SORCS1: variants seen among roughly 807,000 people sequenced by gnomAD.
The protein encoded by SORCS1 is VPS10 domain-containing receptor SorCS1.
SORCS1 carries 60 observed loss-of-function variants against 146.1 expected under a neutral mutation model. The observed-to-expected ratio is 0.41, with a 90% CI of 0.33 to 0.51. The LOEUF is 0.51. Among genes scored for constraint, SORCS1 ranks in the 20% least tolerant of loss-of-function variants. The probability of loss-of-function intolerance (pLI) is 0.21; values close to 1 mark genes in which losing one functional copy is unlikely to be tolerated. For missense variants in SORCS1, 1,352 were observed against 1,487.6 expected (o/e 0.91, Z 1.50); for synonymous variants, 637 against 584.0 (o/e 1.09, Z -1.31).
intron 2 of SORCS1, among the ~76,000 whole-genome samples, chr10:106,941,565 AAC>A (rs1954043407): frequency 1.3e-5 from 2 of 152,246 alleles, no homozygotes; most frequent in Admixed American, 1.3e-4. Flanking sequence ...CCGTGGCTAG[AAC>A]ACACAATACC....
At chr10:106,623,405 C>A (rs1847877611) in intron 19 of SORCS1, among the ~76,000 whole-genome samples, 1 of 152,016 alleles carries the variant, frequency 6.6e-6, no homozygotes, top group East Asian at 1.9e-4. Flanking sequence ...CACCACCATG[C>A]CTGGCTAATT....
chr10:106,730,336 T>C (rs1218553926), intron 5 of SORCS1, among the ~76,000 whole-genome samples: 1 of 152,228 alleles, frequency 6.6e-6, no homozygotes, highest in Non-Finnish European at 1.5e-5. Flanking sequence ...CAGGCTGCAT[T>C]CTAGCAAGGA....
At chr10:107,102,094 C>T (rs929907535) in intron 1 of SORCS1, among the ~76,000 whole-genome samples, 2 of 152,144 alleles carry the variant, frequency 1.3e-5, no homozygotes, top group Non-Finnish European at 2.9e-5. Context: ...TCATCATTTT[C>T]CCCTAATGAC....
At chr10:106,608,828 C>G (rs1281979017) in intron 22 of SORCS1, among the ~76,000 whole-genome samples, 1 of 152,130 alleles carries the variant, frequency 6.6e-6, no homozygotes, top group African/African-American at 2.4e-5. Context: ...CCATGTAGGC[C>G]CATGACAACT....
chr10:106,840,774 C>G (rs1285990166), intron 2 of SORCS1, among the ~76,000 whole-genome samples: 3 of 150,854 alleles, frequency 2.0e-5, no homozygotes, highest in Non-Finnish European at 4.4e-5. Context: ...CAAGGCAAGA[C>G]CCTCCACCAG....
At chr10:106,836,644 A>G (rs1468069724) in intron 2 of SORCS1, among the ~76,000 whole-genome samples, 6 of 152,160 alleles carry the variant, frequency 3.9e-5, no homozygotes, top group Non-Finnish European at 7.4e-5. Flanking sequence ...AACATTAACT[A>G]AAACTCTTTG....
chr10:106,771,562 T>C (rs1860025074), intron 4 of SORCS1, among the ~76,000 whole-genome samples: 1 of 152,198 alleles, frequency 6.6e-6, no homozygotes, highest in Admixed American at 6.5e-5. Flanking sequence ...TTGGTTTGCC[T>C]ACTGTTTAAA....
chr10:106,776,754 C>G (rs2136374438), intron 3 of SORCS1, 62 bp from the exon 4 acceptor site: 1 of 1,570,138 alleles, frequency 6.4e-7, no homozygotes, highest in South Asian at 1.2e-5. Flanking sequence ...ATTTGCAAAA[C>G]TTGAAAATTA....
At chr10:106,892,791 T>C (rs956167036) in intron 2 of SORCS1, among the ~76,000 whole-genome samples, 1 of 152,048 alleles carries the variant, frequency 6.6e-6, no homozygotes, top group African/African-American at 2.4e-5. Context: ...AAATAGGTTA[T>C]CTAAGAACTG....
At chr10:107,116,994 T>C (rs1966082613) in intron 1 of SORCS1, among the ~76,000 whole-genome samples, 2 of 152,166 alleles carry the variant, frequency 1.3e-5, no homozygotes, top group African/African-American at 4.8e-5. Flanking sequence ...TTATTGTTGA[T>C]ATCCAAATTT....
intron 6 of SORCS1, among the ~76,000 whole-genome samples, chr10:106,726,869 G>A (rs991652339): frequency 1.4e-4 from 21 of 152,064 alleles, no homozygotes; most frequent in Admixed American, 2.6e-4. Flanking sequence ...GGCGGATCAC[G>A]AGGTGAGGAG....
chr10:106,735,002 C>T (rs986992741), intron 5 of SORCS1, among the ~76,000 whole-genome samples: 88 of 151,996 alleles, frequency 5.8e-4, no homozygotes, highest in Admixed American at 1.3e-3. Context: ...AAAAATTAGC[C>T]GGGCATGGTG....
chr10:106,852,627 C>CAAAAAA (rs370300215), intron 2 of SORCS1, among the ~76,000 whole-genome samples: 12 of 84,674 alleles, frequency 1.4e-4, no homozygotes, highest in African/African-American at 2.1e-4. Context: ...GACCCTGTCT[C>CAAAAAA]AAAAAAAAAA....
At chr10:106,706,191 GAAGA>G (rs147485512) in intron 8 of SORCS1, among the ~76,000 whole-genome samples, 780 of 39,080 alleles carry the variant, frequency 0.02, 8 homozygotes, top group African/African-American at 0.033. Context: ...CAGAGACAGA[GAAGA>G]AAGAAAGAAA....
intron 1 of SORCS1, among the ~76,000 whole-genome samples, chr10:107,159,475 C>T (rs1005707517): frequency 6.6e-6 from 1 of 152,142 alleles, no homozygotes; most frequent in Non-Finnish European, 1.5e-5. Flanking sequence ...TCTTAATTCC[C>T]AGTAGAGAAA....
At chr10:106,949,329 A>G (rs1954546912) in intron 2 of SORCS1, among the ~76,000 whole-genome samples, 2 of 152,122 alleles carry the variant, frequency 1.3e-5, no homozygotes, top group South Asian at 4.2e-4. Flanking sequence ...CAAAGCAGGG[A>G]CTAACAATCT....
chr10:106,897,048 G>A (rs1000699055), intron 2 of SORCS1, among the ~76,000 whole-genome samples: 13 of 151,588 alleles, frequency 8.6e-5, no homozygotes, highest in African/African-American at 2.4e-4. Flanking sequence ...CTGCCACCGC[G>A]CCCGGCTAAT....
At chr10:106,647,789 A>G (rs1849558107) in intron 18 of SORCS1, among the ~76,000 whole-genome samples, 1 of 152,242 alleles carries the variant, frequency 6.6e-6, no homozygotes, top group South Asian at 2.1e-4. Flanking sequence ...AGCCTGACAA[A>G]AAGCACTGAA....
At chr10:106,712,480 A>G (rs975744554) in intron 6 of SORCS1, among the ~76,000 whole-genome samples, 5 of 152,198 alleles carry the variant, frequency 3.3e-5, no homozygotes, top group African/African-American at 1.2e-4. Context: ...GACTGGAAGG[A>G]TCAATTTCTG....
Sources: gnomAD v4.1 joint callset for allele counts (sites outside exome capture counted in the v4.1 genomes callset) on GRCh38, gnomAD v4.1.1 for gene constraint, MANE v1.5 for transcripts, NCBI Gene and HGNC (gene_info 2026-07-23, HGNC 2026-07-21) for gene names.